Variants in PTPRK observed in about 807,000 individuals in gnomAD.
The protein encoded by PTPRK is protein tyrosine phosphatase receptor type K.
In PTPRK, 75 loss-of-function variants were observed where a neutral mutation model predicts 178.0. The observed-to-expected ratio is 0.42, with a 90% CI of 0.35 to 0.51. PTPRK has a LOEUF of 0.51. Among genes scored for constraint, PTPRK ranks in the 20% least tolerant of loss-of-function variants. The pLI is 0.02. For missense variants in PTPRK, 1,441 were observed against 1,797.8 expected (o/e 0.80, Z 3.59); for synonymous variants, 637 against 620.6 (o/e 1.03, Z -0.39).
At chr6:128,067,034 A>G (rs1781899932) in intron 12 of PTPRK, among the ~76,000 whole-genome samples, 1 of 152,172 alleles carries the variant, frequency 6.6e-6, no homozygotes, top group Non-Finnish European at 1.5e-5. Context: ...ATTACTTTGT[A>G]ATCAGAGGAT....
intron 7 of PTPRK, among the ~76,000 whole-genome samples, chr6:128,182,449 C>T (rs1802065258): frequency 6.6e-6 from 1 of 152,024 alleles, no homozygotes; most frequent in Admixed American, 6.6e-5. Context: ...TAGCGCATGC[C>T]TGTAATCCCA....
chr6:128,514,200 T>C lies in PTPRK; in HGVS notation c.100+6059A>G, dbSNP rs533456692. The stretch of plus-strand genomic sequence containing the variant: ...AGTATAGTATAGTATACAGTATAGA[T>C]TATATACAGCTTATTTTCCACTTGT... On this transcript the variant is annotated intron_variant, in intron 1 of 29. Transcript: ENST00000368226. Among the ~76,000 whole-genome samples the C allele has an allele frequency of 5.3e-5, 8 of 152,322 alleles. 1 individual carries two copies. The South Asian group carries it at 1.2e-3, about 24-fold the overall frequency.
chr6:128,493,336 G>C (rs374019644), intron 1 of PTPRK, among the ~76,000 whole-genome samples: 3 of 152,158 alleles, frequency 2.0e-5, no homozygotes, highest in Non-Finnish European at 4.4e-5. Flanking sequence ...GCCAAGGTGG[G>C]CTGATCACGA....
At chr6:128,517,300 A>T in intron 1 of PTPRK, among the ~76,000 whole-genome samples, 1 of 152,192 alleles carries the variant, frequency 6.6e-6, no homozygotes, top group East Asian at 1.9e-4. Context: ...CAAGTTGGGT[A>T]TTATTATCCC....
chr6:128,123,745 TACCAG>T (rs1302550522), intron 7 of PTPRK, among the ~76,000 whole-genome samples: 1 of 152,236 alleles, frequency 6.6e-6, no homozygotes, highest in Non-Finnish European at 1.5e-5. Flanking sequence ...TCTGTGAGTT[TACCAG>T]ACTTCCCATG....
chr6:127,994,152 T>G (rs573872781), intron 18 of PTPRK, among the ~76,000 whole-genome samples: 1 of 151,862 alleles, frequency 6.6e-6, no homozygotes, highest in South Asian at 2.1e-4. Flanking sequence ...TTATAAAATA[T>G]ATTAGTTCAA....
At chr6:128,191,055 T>TCA (rs906174103) in intron 6 of PTPRK, among the ~76,000 whole-genome samples, 2 of 152,022 alleles carry the variant, frequency 1.3e-5, no homozygotes, top group Non-Finnish European at 2.9e-5. Flanking sequence ...TTACAATATT[T>TCA]CACACACGAG....
chr6:127,981,388 G>T, intron 24 of PTPRK, 99 bp from the exon 25 acceptor site: 2 of 943,162 alleles, frequency 2.1e-6, no homozygotes, highest in Non-Finnish European at 3.1e-6. Flanking sequence ...AGAAAGTGAA[G>T]GATTTGTGCG....
At chr6:128,379,711 C>G (rs1281343783) in intron 2 of PTPRK, among the ~76,000 whole-genome samples, 1 of 152,164 alleles carries the variant, frequency 6.6e-6, no homozygotes, top group Non-Finnish European at 1.5e-5. Context: ...AAATCCTTTA[C>G]AGCTGTAGAT....
At chr6:128,317,534 T>C (rs1828179847) in intron 3 of PTPRK, among the ~76,000 whole-genome samples, 1 of 152,178 alleles carries the variant, frequency 6.6e-6, no homozygotes, top group African/African-American at 2.4e-5. Flanking sequence ...CAGTATGTGC[T>C]GACAGGTAGT....
At chr6:128,192,780 G>A (rs1174748344) in intron 6 of PTPRK, among the ~76,000 whole-genome samples, 1 of 145,702 alleles carries the variant, frequency 6.9e-6, no homozygotes, top group Non-Finnish European at 1.5e-5. Context: ...TCACGCTACT[G>A]CACTCCAGTG....
intron 7 of PTPRK, among the ~76,000 whole-genome samples, chr6:128,172,690 G>GTA (rs1562722246): frequency 6.6e-6 from 1 of 150,840 alleles, no homozygotes; most frequent in Non-Finnish European, 1.5e-5. Context: ...GCATATCAAT[G>GTA]TATATATACT....
At chr6:128,336,009 G>T (rs1376922994) in intron 2 of PTPRK, among the ~76,000 whole-genome samples, 1 of 152,152 alleles carries the variant, frequency 6.6e-6, no homozygotes, top group African/African-American at 2.4e-5. Flanking sequence ...ATTATGAAAT[G>T]CCACATTGAC....
intron 14 of PTPRK, chr6:128,008,101 T>C (rs1347531027): frequency 1.5e-6 from 2 of 1,327,228 alleles, no homozygotes; most frequent in Non-Finnish European, 2.0e-6. Context: ...CAGGGGATAA[T>C]CGTAAAGAGG....
At chr6:128,166,340 G>C (rs1334376265) in intron 7 of PTPRK, among the ~76,000 whole-genome samples, 1 of 151,560 alleles carries the variant, frequency 6.6e-6, no homozygotes, top group Non-Finnish European at 1.5e-5. Flanking sequence ...CTGTGAATAA[G>C]AGCATAGATT....
At chr6:128,082,934 G>A (rs1044187954) in intron 9 of PTPRK, among the ~76,000 whole-genome samples, 10 of 151,782 alleles carry the variant, frequency 6.6e-5, no homozygotes, top group African/African-American at 9.7e-5. Flanking sequence ...AAATCTTATA[G>A]CCATATACTT....
chr6:128,247,146 T>G (rs1815616372), intron 3 of PTPRK, among the ~76,000 whole-genome samples: 1 of 152,210 alleles, frequency 6.6e-6, no homozygotes, highest in African/African-American at 2.4e-5. Flanking sequence ...ATCACGGGTT[T>G]CTTGTGAAGA....
rs142956986 is a variant in PTPRK at position 128,186,797 on chromosome 6, C to G, written c.869-2072G>C. 2.2e-3 allele frequency among the ~76,000 whole-genome samples: 338 copies of G among 151,908 alleles called. 2 individuals are homozygous for G. Among genetic ancestry groups the G allele is most frequent in the Admixed American group, 5.2e-3 (79 of 15,240 alleles). On this transcript the variant is annotated intron_variant, in intron 6 of 29. Transcript: ENST00000368226. ...GGAGAAAGTTGATATATTCTCAAAC[C>G]CTAAACTAAAATGAAACTGAATCGA...
intron 2 of PTPRK, among the ~76,000 whole-genome samples, chr6:128,384,966 A>T (rs1443173239): frequency 6.6e-6 from 1 of 151,188 alleles, no homozygotes; most frequent in Admixed American, 6.6e-5. Flanking sequence ...AGTTTATTTT[A>T]TTATGGTTTT....
Sources: allele counts gnomAD v4.1 joint callset (sites outside exome capture counted in the v4.1 genomes callset), GRCh38; gene constraint gnomAD v4.1.1; transcripts MANE v1.5; gene names NCBI Gene and HGNC (gene_info 2026-07-23, HGNC 2026-07-21).